Variants in USO1 observed in about 807,000 individuals in gnomAD.
USO1 encodes general vesicular transport factor p115.
Under a neutral mutation model 124.5 loss-of-function variants are expected in USO1, and 57 were observed. The observed-to-expected ratio is 0.46, with a 90% CI of 0.37 to 0.57. The LOEUF (loss-of-function observed/expected upper bound fraction) is 0.57, where lower values mean the gene tolerates loss of function less well. Ranked by LOEUF, USO1 falls within the 20% of genes least tolerant of loss-of-function variation. The pLI, the probability that USO1 is intolerant of heterozygous loss-of-function variation, is 0.00. For missense variants in USO1, 900 were observed against 1,040.6 expected (o/e 0.86, Z 1.86); for synonymous variants, 369 against 362.8 (o/e 1.02, Z -0.19).
chr4:75,806,692 A>G, intron 20 of USO1, 120 bp downstream of exon 20: 2 of 1,311,300 alleles, frequency 1.5e-6, no homozygotes, highest in Non-Finnish European at 2.0e-6. Context: ...TTAAGTTAAG[A>G]CAGCCATTTG....
At chr4:75,799,506 C>T (rs1249929752) in intron 13 of USO1, 116 bp from the exon 14 acceptor site, 7 of 1,170,992 alleles carry the variant, frequency 6.0e-6, no homozygotes, top group African/African-American at 3.1e-5. Context: ...ATTTCTGGCT[C>T]ATCTCTTGTA....
intron 14 of USO1, among the ~76,000 whole-genome samples, 163 bp downstream of exon 14, chr4:75,799,895 T>TTG (rs1309009426): frequency 1.3e-5 from 2 of 151,962 alleles, no homozygotes; most frequent in Admixed American, 1.3e-4. Context: ...CTTGTTTAAG[T>TTG]TGTGTGTGTG....
intron 8 of USO1, among the ~76,000 whole-genome samples, chr4:75,780,071 G>A (rs556864882): frequency 6.6e-5 from 10 of 152,138 alleles, no homozygotes; most frequent in Middle Eastern, 3.4e-3. Context: ...AACAAAGCCT[G>A]GAAGACAGCA....
chr4:75,740,474 G>A (rs534499203), intron 1 of USO1, among the ~76,000 whole-genome samples: 4 of 152,264 alleles, frequency 2.6e-5, no homozygotes, highest in Admixed American at 2.6e-4. Context: ...TTCTTATAAA[G>A]ACAGGATCTA....
intron 4 of USO1, among the ~76,000 whole-genome samples, chr4:75,761,089 G>A (rs564447477): frequency 2.0e-5 from 3 of 152,152 alleles, no homozygotes; most frequent in Non-Finnish European, 4.4e-5. Flanking sequence ...AGAGGTTGCA[G>A]TGAGCTAAGA....
chr4:75,796,338 G>T (rs377450652), intron 13 of USO1, among the ~76,000 whole-genome samples: 1 of 35,134 alleles, frequency 2.8e-5, no homozygotes. Context: ...GTTCCATCAT[G>T]CTCTTTTTTT....
intron 9 of USO1, among the ~76,000 whole-genome samples, chr4:75,785,859 AAAAG>A (rs1722347260): frequency 6.6e-6 from 1 of 152,178 alleles, no homozygotes; most frequent in Non-Finnish European, 1.5e-5. Flanking sequence ...AAAAAGAAGG[AAAAG>A]AAGTAGTAAG....
Position 75,764,744 on chromosome 4 carries a change from G to A in USO1, c.296-5695G>A, listed in dbSNP as rs750416926. ...CCCAAGGGCATTGTCTATCTTGTAAGCAAGGCTGTTTGACCCACATAGTAT... is the reference window on the plus strand; with the variant it reads ...CCCAAGGGCATTGTCTATCTTGTAAACAAGGCTGTTTGACCCACATAGTAT... On this transcript the variant is annotated intron_variant, in intron 4 of 23. Transcript: ENST00000514213. 5.3e-5 allele frequency among the ~76,000 whole-genome samples: 8 copies of A among 152,204 alleles called. No homozygotes were observed. The East Asian group carries it at 5.8e-4, about 11-fold the overall frequency.
chr4:75,787,268 A>G (rs1172185706), intron 10 of USO1, 66 bp downstream of exon 10: 5 of 1,368,962 alleles, frequency 3.7e-6, no homozygotes, highest in East Asian at 5.5e-5. Context: ...GAAGAATTAG[A>G]TATTTGTTGA....
chr4:75,756,063 A>G (rs890224753), intron 3 of USO1, among the ~76,000 whole-genome samples: 1 of 151,516 alleles, frequency 6.6e-6, no homozygotes, highest in Non-Finnish European at 1.5e-5. Context: ...CCAGCTACTC[A>G]GGAGGCTGAG....
intron 4 of USO1, among the ~76,000 whole-genome samples, chr4:75,762,354 G>T (rs1721632987): frequency 6.6e-6 from 1 of 151,564 alleles, no homozygotes; most frequent in Non-Finnish European, 1.5e-5. Context: ...AGTAGAGACA[G>T]GGTTTCACTA....
chr4:75,804,311 T>C, intron 18 of USO1, 39 bp downstream of exon 18: 1 of 1,583,988 alleles, frequency 6.3e-7, no homozygotes, highest in South Asian at 1.2e-5. Context: ...AGCACTCAGG[T>C]CATTCTTTCC....
At chr4:75,747,432 G>T (rs191043802) in intron 1 of USO1, among the ~76,000 whole-genome samples, 1 of 151,632 alleles carries the variant, frequency 6.6e-6, no homozygotes, top group African/African-American at 2.4e-5. Flanking sequence ...ATACCACCAC[G>T]CCCACTTAAT....
intron 1 of USO1, among the ~76,000 whole-genome samples, chr4:75,734,792 A>C (rs1191297161): frequency 5.6e-5 from 7 of 124,328 alleles, no homozygotes; most frequent in African/African-American, 2.1e-4. Flanking sequence ...GCAGTGGCAC[A>C]ATCTCAGCTC....
intron 1 of USO1, among the ~76,000 whole-genome samples, chr4:75,743,330 C>T (rs1056030587): frequency 2.0e-5 from 3 of 152,120 alleles, no homozygotes; most frequent in African/African-American, 7.2e-5. Context: ...GTTTTTCCTT[C>T]TGATGGTAAC....
intron 10 of USO1, among the ~76,000 whole-genome samples, chr4:75,788,650 C>T (rs1236410087): frequency 6.7e-6 from 1 of 150,170 alleles, no homozygotes; most frequent in African/African-American, 2.5e-5. Flanking sequence ...TTGAGCAATT[C>T]TTCTGCCTCA....
At chr4:75,746,979 T>G (rs1041514173) in intron 1 of USO1, among the ~76,000 whole-genome samples, 1 of 152,194 alleles carries the variant, frequency 6.6e-6, no homozygotes, top group Non-Finnish European at 1.5e-5. Context: ...TTGGTAATAA[T>G]AAAATTTGCT....
At chr4:75,727,630 A>G (rs1459498366) in intron 1 of USO1, among the ~76,000 whole-genome samples, 1 of 152,142 alleles carries the variant, frequency 6.6e-6, no homozygotes, top group Non-Finnish European at 1.5e-5. Flanking sequence ...TTAATTGATG[A>G]TTTAGTCTGG....
At chr4:75,813,131 A>G in intron 23 of USO1, 75 bp from the exon 24 acceptor site, 3 of 1,424,360 alleles carry the variant, frequency 2.1e-6, no homozygotes, top group Non-Finnish European at 2.8e-6. Flanking sequence ...AAAAATTATC[A>G]GTAGTATATA....
Sources: allele counts gnomAD v4.1 joint callset (sites outside exome capture counted in the v4.1 genomes callset), GRCh38; gene constraint gnomAD v4.1.1; transcripts MANE v1.5; gene names NCBI Gene and HGNC (gene_info 2026-07-23, HGNC 2026-07-21).